The following POFUT3 variants were observed in gnomAD, a reference collection of about 807,000 sequenced individuals.
POFUT3 encodes the protein protein O-fucosyltransferase 3.
At chr8:33,425,857 C>T in the POFUT3 span, among the ~76,000 whole-genome samples, 171 of 147,822 alleles carry the variant, frequency 1.2e-3, no homozygotes, top group African/African-American at 4.2e-3. Flanking sequence ...ATGCAGGAGG[C>T]GTTCAAAGGT....
the POFUT3 span, among the ~76,000 whole-genome samples, chr8:33,426,768 G>A: frequency 6.6e-6 from 1 of 152,182 alleles, no homozygotes. Context: ...TGGAAGCCGT[G>A]TAATTTCTGT....
the POFUT3 span, among the ~76,000 whole-genome samples, chr8:33,400,456 AAAAT>A: frequency 3.9e-5 from 6 of 152,086 alleles, no homozygotes; most frequent in African/African-American, 9.6e-5. Context: ...CTGTCTTCAA[AAAAT>A]AAATAAATAA....
chr8:33,329,431 G>T, the POFUT3 span, among the ~76,000 whole-genome samples: 6 of 152,136 alleles, frequency 3.9e-5, no homozygotes, highest in Non-Finnish European at 7.4e-5. Context: ...TAAAGGAGAG[G>T]CTGTTACCTT....
the POFUT3 span, among the ~76,000 whole-genome samples, chr8:33,430,050 C>G: frequency 1.3e-5 from 2 of 151,842 alleles, no homozygotes; most frequent in Non-Finnish European, 2.9e-5. Flanking sequence ...GGCAAACTTT[C>G]CCATGTGCCA....
chr8:33,381,881 T>C, the POFUT3 span, among the ~76,000 whole-genome samples: 1 of 152,232 alleles, frequency 6.6e-6, no homozygotes, highest in East Asian at 1.9e-4. Flanking sequence ...TAATGTCTAA[T>C]CTAAACTGTA....
the POFUT3 span, among the ~76,000 whole-genome samples, chr8:33,345,704 A>G: frequency 6.6e-6 from 1 of 151,816 alleles, no homozygotes; most frequent in Non-Finnish European, 1.5e-5. Flanking sequence ...TTTATACTCC[A>G]TTTGCAAGGG....
the POFUT3 span, among the ~76,000 whole-genome samples, chr8:33,381,922 T>A: frequency 6.6e-6 from 1 of 152,202 alleles, no homozygotes; most frequent in Non-Finnish European, 1.5e-5. Flanking sequence ...TGTCTTTTCT[T>A]GCTTACCATT....
the POFUT3 span, chr8:33,389,135 T>C: frequency 1.9e-6 from 3 of 1,614,150 alleles, no homozygotes; most frequent in South Asian, 3.3e-5. Flanking sequence ...ATAGGCCTCA[T>C]ACAATCTGTC....
At chr8:33,390,967 T>C in the POFUT3 span, among the ~76,000 whole-genome samples, 1 of 152,188 alleles carries the variant, frequency 6.6e-6, no homozygotes, top group Non-Finnish European at 1.5e-5. Flanking sequence ...AATAACACAA[T>C]AGGTAATATA....
the POFUT3 span, among the ~76,000 whole-genome samples, chr8:33,384,590 T>A: frequency 6.6e-6 from 1 of 151,940 alleles, no homozygotes; most frequent in Non-Finnish European, 1.5e-5. Flanking sequence ...GAGGCCGAGG[T>A]GGGTGGACCA....
chr8:33,412,078 C>T, the POFUT3 span, among the ~76,000 whole-genome samples: 3 of 152,122 alleles, frequency 2.0e-5, no homozygotes, highest in South Asian at 2.1e-4. Context: ...AATTAACATA[C>T]GAACACTGAT....
chr8:33,327,011 T>C, the POFUT3 span, among the ~76,000 whole-genome samples: 5 of 152,178 alleles, frequency 3.3e-5, no homozygotes, highest in East Asian at 9.6e-4. Flanking sequence ...TGCCTGGCCT[T>C]AAGCCATTCT....
the POFUT3 span, among the ~76,000 whole-genome samples, chr8:33,329,742 T>A: frequency 6.6e-6 from 1 of 152,182 alleles, no homozygotes; most frequent in Non-Finnish European, 1.5e-5. Context: ...ATTTAATGTG[T>A]TTCTAGGCTG....
the POFUT3 span, among the ~76,000 whole-genome samples, chr8:33,443,099 C>T: frequency 2.6e-5 from 4 of 151,982 alleles, no homozygotes; most frequent in Admixed American, 6.6e-5. Context: ...GGTGACAGAG[C>T]CAGAACCTGC....
the POFUT3 span, among the ~76,000 whole-genome samples, chr8:33,462,803 C>T: frequency 6.6e-6 from 1 of 151,936 alleles, no homozygotes; most frequent in Admixed American, 6.6e-5. Context: ...TGGGGGTGTG[C>T]ACCTATAGTC....
chr8:33,405,560 C>T, the POFUT3 span, among the ~76,000 whole-genome samples: 1 of 152,012 alleles, frequency 6.6e-6, no homozygotes, highest in Admixed American at 6.5e-5. Context: ...TAAGGAAATA[C>T]TAAAGAACTC....
At chr8:33,348,021 T>C in the POFUT3 span, among the ~76,000 whole-genome samples, 1 of 151,968 alleles carries the variant, frequency 6.6e-6, no homozygotes, top group Non-Finnish European at 1.5e-5. Flanking sequence ...CTACTAAAAA[T>C]GCAAAAATTA....
At chr8:33,394,589 G>A in the POFUT3 span, among the ~76,000 whole-genome samples, 78 of 151,644 alleles carry the variant, frequency 5.1e-4, no homozygotes, top group East Asian at 0.011. Flanking sequence ...TATATTTTTC[G>A]TGGAATGATT....
chr8:33,329,952 C>T, the POFUT3 span, among the ~76,000 whole-genome samples: 1 of 151,988 alleles, frequency 6.6e-6, no homozygotes, highest in African/African-American at 2.4e-5. Context: ...TCTTCTCCAC[C>T]CCAGATCATT....
Sources: gnomAD v4.1 joint callset for allele counts (sites outside exome capture counted in the v4.1 genomes callset) on GRCh38, gnomAD v4.1.1 for gene constraint, MANE v1.5 for transcripts, NCBI Gene and HGNC (gene_info 2026-07-23, HGNC 2026-07-21) for gene names.